CHN2: variants seen among roughly 807,000 people sequenced by gnomAD.
CHN2 encodes chimerin 2, also known as beta-chimaerin.
A neutral mutation model predicts 56.3 loss-of-function variants in CHN2; 35 were observed. That is an observed-to-expected ratio of 0.62 (90% confidence interval 0.47 to 0.82). The LOEUF is 0.82. Among genes scored for constraint, CHN2 ranks in the 40% least tolerant of loss-of-function variants. The pLI, the probability that CHN2 is intolerant of heterozygous loss-of-function variation, is 0.00. For missense variants in CHN2, 491 were observed against 580.5 expected (o/e 0.85, Z 1.58); for synonymous variants, 210 against 212.8 (o/e 0.99, Z 0.12).
chr7:29,146,948 A>G, exon 2 of CHN2: 2 of 1,551,116 alleles, frequency 1.3e-6, no homozygotes, highest in Non-Finnish European at 1.7e-6. Flanking sequence ...TCTACATTCC[A>G]GCTGCACTAG....
intron 1 of CHN2, among the ~76,000 whole-genome samples, chr7:29,307,539 A>G (rs1203876419): frequency 6.6e-6 from 1 of 152,170 alleles, no homozygotes; most frequent in Non-Finnish European, 1.5e-5. Context: ...TAACCAGGTG[A>G]CCTTGATTGA....
rs567206942 is a variant in CHN2 at position 29,324,621 on chromosome 7, A to T, written c.50-30004A>T. The stretch of plus-strand genomic sequence containing the variant: ...CAGCTGTGACTTTTTTTTTTTTTTT[A>T]ATTTTTGACAGAAAGTTACATCTAT... On this transcript the variant is annotated intron_variant, in intron 1 of 12. Coordinates refer to ENST00000222792, the MANE Select transcript of CHN2 (RefSeq NM_004067.4). Among the ~76,000 whole-genome samples the T allele has an allele frequency of 6.2e-3, 880 of 141,660 alleles. 5 individuals carry two copies. The highest frequency in any genetic ancestry group is 0.021 in the African/African-American group (811 of 38,230). The allele number at this position is 141,660 out of a possible 152,430, so 92.9% of individuals were successfully genotyped here.
intron 2 of CHN2, among the ~76,000 whole-genome samples, chr7:29,160,867 G>A (rs182802106): frequency 6.6e-6 from 1 of 152,188 alleles, no homozygotes; most frequent in African/African-American, 2.4e-5. Flanking sequence ...TTGACACTAG[G>A]TTGATAGTCT....
chr7:29,456,108 C>G (rs932613111), intron 6 of CHN2, among the ~76,000 whole-genome samples: 5 of 152,210 alleles, frequency 3.3e-5, no homozygotes, highest in African/African-American at 1.2e-4. Context: ...ACTTCTTTCT[C>G]AGTCTGACAA....
intron 3 of CHN2, among the ~76,000 whole-genome samples, chr7:29,389,496 G>A (rs750903891): frequency 1.3e-5 from 2 of 152,196 alleles, no homozygotes; most frequent in Admixed American, 6.5e-5. Context: ...CAGCTGGTTC[G>A]AGATGGGGAT....
At chr7:29,454,310 T>C (rs1440597287) in intron 6 of CHN2, among the ~76,000 whole-genome samples, 7 of 151,888 alleles carry the variant, frequency 4.6e-5, no homozygotes, top group Non-Finnish European at 8.8e-5. Flanking sequence ...GCTCAATAAA[T>C]GTTAGTAGTG....
At chr7:29,310,674 T>C (rs1794530790) in intron 1 of CHN2, among the ~76,000 whole-genome samples, 1 of 152,350 alleles carries the variant, frequency 6.6e-6, no homozygotes, top group Non-Finnish European at 1.5e-5. Flanking sequence ...ATTTGTTTCT[T>C]ACAGGTTTGG....
chr7:29,440,901 A>G (rs1258111908), intron 6 of CHN2, among the ~76,000 whole-genome samples: 1 of 151,632 alleles, frequency 6.6e-6, no homozygotes, highest in African/African-American at 2.4e-5. Context: ...AGATACTAGA[A>G]CTTATTTTTT....
intron 6 of CHN2, among the ~76,000 whole-genome samples, chr7:29,423,731 G>A (rs1397429565): frequency 7.9e-5 from 12 of 152,218 alleles, no homozygotes; most frequent in Non-Finnish European, 1.6e-4. Flanking sequence ...AATTCAGCCA[G>A]TTCAGGGATT....
At position 29,207,883 on chromosome 7, in the gene CHN2, G is replaced by A. The variant is rs75876993; in HGVS notation, c.49+12893G>A. ...TTACACGCTTGTAGCTGTCACAGAG[G>A]TTCTGACAGTATTTACTTTTACCCC... On this transcript the variant is annotated intron_variant, in intron 1 of 12. Transcript: ENST00000222792. Among the ~76,000 whole-genome samples the A allele has an allele frequency of 3.1e-3, 473 of 152,280 alleles. 4 individuals carry two copies. Among genetic ancestry groups the A allele is most frequent in the African/African-American group, 0.011 (446 of 41,536 alleles).
chr7:29,191,414 C>T (rs756813362), upstream of CHN2, among the ~76,000 whole-genome samples: 3 of 152,148 alleles, frequency 2.0e-5, no homozygotes, highest in Non-Finnish European at 2.9e-5. Flanking sequence ...TGGTTGAACC[C>T]TTTTGGTATG....
Position 29,372,391 on chromosome 7 carries a change from G to A in CHN2, c.144+4404G>A, listed in dbSNP as rs188240748. 3.1e-3 allele frequency among the ~76,000 whole-genome samples: 477 copies of A among 152,116 alleles called. 3 individuals are homozygous for A. Among genetic ancestry groups the A allele is most frequent in the South Asian group, 5.0e-3 (24 of 4,818 alleles). ...GTAGCACCTCCCCAACCCTTGGAGC[G>A]TCTCTGTCATATTGCCTTGTTTATT... On this transcript the variant is annotated intron_variant, in intron 3 of 12. Coordinates refer to ENST00000222792, the MANE Select transcript of CHN2 (RefSeq NM_004067.4).
intron 6 of CHN2, among the ~76,000 whole-genome samples, chr7:29,425,288 T>C (rs570407973): frequency 5.9e-5 from 9 of 152,214 alleles, no homozygotes; most frequent in African/African-American, 2.2e-4. Flanking sequence ...AGCTGTCTTC[T>C]CCTCCCACTA....
intron 6 of CHN2, among the ~76,000 whole-genome samples, chr7:29,472,639 T>C (rs1786205102): frequency 6.6e-6 from 1 of 151,150 alleles, no homozygotes; most frequent in African/African-American, 2.4e-5. Context: ...TCATTTCTGA[T>C]GGAAGGAAAG....
upstream of CHN2, among the ~76,000 whole-genome samples, chr7:29,190,224 G>T (rs1037331282): frequency 5.3e-5 from 8 of 152,236 alleles, no homozygotes; most frequent in African/African-American, 1.7e-4. Context: ...TTGATGTTGA[G>T]AAATTGATGG....
intron 2 of CHN2, among the ~76,000 whole-genome samples, chr7:29,365,062 T>C (rs1386183549): frequency 1.3e-5 from 2 of 152,220 alleles, no homozygotes; most frequent in Admixed American, 6.5e-5. Context: ...TCCAGGTCAG[T>C]GCATAGAGAG....
intron 12 of CHN2, chr7:29,509,668 C>A (rs935910954): frequency 3.6e-5 from 9 of 249,196 alleles, no homozygotes; most frequent in Non-Finnish European, 7.1e-5. Context: ...CACGGTGAAA[C>A]CCTGTCTCTA....
chr7:29,476,576 C>T (rs958749113), intron 6 of CHN2, among the ~76,000 whole-genome samples: 1 of 150,688 alleles, frequency 6.6e-6, no homozygotes, highest in Non-Finnish European at 1.5e-5. Flanking sequence ...AAAAAAAATA[C>T]ACATATATAT....
intron 6 of CHN2, among the ~76,000 whole-genome samples, chr7:29,466,944 G>C (rs1785596990): frequency 6.6e-6 from 1 of 152,084 alleles, no homozygotes; most frequent in African/African-American, 2.4e-5. Flanking sequence ...GGTAGACATT[G>C]GTCTGTTTCC....
Sources: gnomAD v4.1 joint callset for allele counts (sites outside exome capture counted in the v4.1 genomes callset) on GRCh38, gnomAD v4.1.1 for gene constraint, MANE v1.5 for transcripts, NCBI Gene and HGNC (gene_info 2026-07-23, HGNC 2026-07-21) for gene names.